Variants in SLC4A7 observed in about 807,000 individuals in gnomAD.
SLC4A7 encodes solute carrier family 4 member 7.
In SLC4A7, 51 loss-of-function variants were observed where a neutral mutation model predicts 137.6. The ratio of observed to expected loss-of-function variants is 0.37; its 90% CI spans 0.30 to 0.47. The LOEUF is 0.47. Among genes scored for constraint, SLC4A7 ranks in the 20% least tolerant of loss-of-function variants. The pLI, the probability that SLC4A7 is intolerant of heterozygous loss-of-function variation, is 1.00. For missense variants in SLC4A7, 1,247 were observed against 1,525.4 expected (o/e 0.82, Z 3.04); for synonymous variants, 542 against 518.6 (o/e 1.05, Z -0.61).
Position 27,431,285 on chromosome 3 carries a change from T to C in SLC4A7, c.1150+13A>G. ...GCAGAAAGCACCACACATGGAGGAT[T>C]TTGGATAGTTGCCTGGAGTTAAGTC... On this transcript the variant is annotated intron_variant, in intron 7 of 25. Coordinates refer to ENST00000454389, the MANE Select transcript of SLC4A7 (RefSeq NM_001321103.2). 1.3e-6 allele frequency: 2 copies of C among 1,557,690 alleles called. No individual in the cohort carries two copies. The highest frequency in any genetic ancestry group is 8.7e-7 in the Non-Finnish European group (1 of 1,150,974).
intron 24 of SLC4A7, among the ~76,000 whole-genome samples, chr3:27,380,656 T>TA (rs754930784): frequency 1.4e-4 from 21 of 152,342 alleles, no homozygotes; most frequent in East Asian, 3.9e-4. Context: ...TGTTCATACT[T>TA]AAAATCAGAA....
At position 27,376,802 on chromosome 3, in the gene SLC4A7, G is replaced by T; in HGVS notation, c.3742C>A (p.Pro1248Thr). The change falls in exon 26 of 26, where the codon CCA becomes ACA. Residue 1248 changes from proline to threonine, a missense_variant. Coordinates refer to ENST00000454389, the MANE Select transcript of SLC4A7 (RefSeq NM_001321103.2). ...VSVKISFEDE[P>T]RKKYVDAETS... is the part of the protein sequence containing the mutation. ...TCAGCATCCACGTATTTCTTTCTTG[G>T]TTCATCTTCAAAACTTATTTTCACA... 1.3e-6 allele frequency: 2 copies of T among 1,598,416 alleles called. No homozygotes were observed. Among genetic ancestry groups the T allele is most frequent in the South Asian group, 1.1e-5 (1 of 89,182 alleles).
intron 24 of SLC4A7, among the ~76,000 whole-genome samples, chr3:27,382,067 C>CA (rs965634237): frequency 5.0e-4 from 74 of 148,642 alleles, no homozygotes; most frequent in African/African-American, 1.6e-3. Flanking sequence ...GACTTCATCT[C>CA]AAAAAAAAAG....
chr3:27,412,535 G>C (rs1323228977), intron 11 of SLC4A7, among the ~76,000 whole-genome samples: 1 of 152,142 alleles, frequency 6.6e-6, no homozygotes, highest in African/African-American at 2.4e-5. Context: ...CATATTTAGA[G>C]AGTAGCAAGG....
intron 3 of SLC4A7, among the ~76,000 whole-genome samples, chr3:27,446,866 T>C (rs1310638950): frequency 2.4e-5 from 2 of 82,564 alleles, no homozygotes; most frequent in African/African-American, 8.9e-5. Flanking sequence ...CTTAGTAGAG[T>C]TTTTTTTTGT....
In SLC4A7 at chr3:27,394,483, T is replaced by C. The variant is rs970867537; in HGVS notation, c.3117+35A>G. Reference sequence around the variant, plus strand: ...ACATAACTAAGTATAAATGTTATAATAAGATTGTAAAACACGGCAATAAAG... The same window carrying C: ...ACATAACTAAGTATAAATGTTATAACAAGATTGTAAAACACGGCAATAAAG... On this transcript the variant is annotated intron_variant, in intron 20 of 25. Transcript: ENST00000454389. The C allele has an allele frequency of 5.1e-6, 8 of 1,562,178 alleles. No homozygotes were observed. In the Admixed American group the frequency reaches 1.1e-4, roughly 21 times the overall value.
At chr3:27,408,527 G>A (rs763470037) in intron 13 of SLC4A7, among the ~76,000 whole-genome samples, 7 of 152,042 alleles carry the variant, frequency 4.6e-5, no homozygotes, top group Non-Finnish European at 8.8e-5. Context: ...ATTTTAATTC[G>A]ATAATTATCA....
Position 27,433,812 on chromosome 3 carries a change from A to G in SLC4A7, c.778+104T>C, listed in dbSNP as rs912105697. 2.8e-5 allele frequency: 25 copies of G among 886,690 alleles called. No individual in the cohort carries two copies. The Admixed American group carries it at 3.6e-4, about 13-fold the overall frequency. The allele number at this position is 886,690 out of a possible 1,614,324, so 54.9% of individuals were successfully genotyped here. On this transcript the variant is annotated intron_variant, in intron 6 of 25. Transcript: ENST00000454389. Reference sequence around the variant, plus strand: ...CAGGAAGGAGAAGTAATTCAGAGGTAGGTATAGTGAGTGTTTAAATATCCC... The same window carrying G: ...CAGGAAGGAGAAGTAATTCAGAGGTGGGTATAGTGAGTGTTTAAATATCCC...
intron 18 of SLC4A7, among the ~76,000 whole-genome samples, chr3:27,397,359 C>T (rs2052290721): frequency 6.6e-6 from 1 of 151,928 alleles, no homozygotes; most frequent in African/African-American, 2.4e-5. Context: ...TTCCTTCTCC[C>T]TGGAAGGTAC....
intron 11 of SLC4A7, among the ~76,000 whole-genome samples, chr3:27,417,622 T>C (rs749503387): frequency 1.3e-5 from 2 of 151,988 alleles, no homozygotes; most frequent in African/African-American, 2.4e-5. Flanking sequence ...GGGCTGGTAG[T>C]GCACACCTGT....
Position 27,395,011 on chromosome 3 carries a change from G to A in SLC4A7, c.2808C>T (p.Ile936=). 1 of 1,610,124 alleles carries A rather than the reference G, an allele frequency of 6.2e-7. No individual in the cohort carries two copies. The highest frequency in any genetic ancestry group is 2.2e-5 in the East Asian group (1 of 44,852). ...CAGCTGTGATTTGTTGATCCATAAA[G>A]ATGAGAATGGTACAAAGCAAAGCAG... ...AIPALLCTIL[I]FMDQQITAVI... The change falls in exon 19 of 26, where the codon ATC becomes ATT. Residue 936 remains isoleucine (I), a synonymous_variant. Transcript: ENST00000454389.
At position 27,421,608 on chromosome 3, in the gene SLC4A7, AACTAACTCTTT is replaced by A; in HGVS notation, c.1424+3_1424+13del. ...AAAATGCTTAGAGAATGTTACTTGG[AACTAACTCTTT>A]ACCTGGTTGGAACAGGGACCTCAGT... On this transcript the variant is annotated splice_donor_5th_base_variant and intron_variant, in intron 9 of 25. Coordinates refer to ENST00000454389, the MANE Select transcript of SLC4A7 (RefSeq NM_001321103.2). 1 of 1,600,610 alleles carries A rather than the reference AACTAACTCTTT, an allele frequency of 6.2e-7. No individual in the cohort carries two copies. The highest frequency in any genetic ancestry group is 8.5e-7 in the Non-Finnish European group (1 of 1,173,116).
At chr3:27,403,985 G>A (rs961025435) in intron 14 of SLC4A7, among the ~76,000 whole-genome samples, 1 of 152,178 alleles carries the variant, frequency 6.6e-6, no homozygotes, top group African/African-American at 2.4e-5. Context: ...AGTGAGTACA[G>A]AATCAGAAAA....
chr3:27,428,351 A>C (rs2055878585), intron 7 of SLC4A7: 1 of 154,362 alleles, frequency 6.5e-6, no homozygotes, highest in African/African-American at 2.4e-5. Context: ...CAACCTCATC[A>C]AATCGTTACA....
In SLC4A7 at chr3:27,437,481, T is replaced by C; in HGVS notation, c.335A>G (p.Asp112Gly). The C allele has an allele frequency of 6.3e-7, 1 of 1,599,246 alleles. No homozygotes were observed. The highest frequency in any genetic ancestry group is 1.1e-5 in the South Asian group (1 of 89,526). The change falls in exon 4 of 26, where the codon GAT becomes GGT. Residue 112 changes from aspartate (D) to glycine (G), a missense_variant. Transcript: ENST00000454389. ...ATCATGGGGAATATGTTCTTCATCA[T>C]CATCTTCAGTACCAAGGATAAACTG... ...RVQFILGTED[D>G]DEEHIPHDLF...
At chr3:27,443,379 T>C (rs2057368231) in intron 3 of SLC4A7, among the ~76,000 whole-genome samples, 1 of 152,134 alleles carries the variant, frequency 6.6e-6, no homozygotes, top group Admixed American at 6.5e-5. Flanking sequence ...AATTTTCTAA[T>C]ACTGGTGATT....
chr3:27,383,298 AAG>A (rs1228008163), intron 23 of SLC4A7, 48 bp from the exon 24 acceptor site: 1 of 1,316,708 alleles, frequency 7.6e-7, no homozygotes, highest in Non-Finnish European at 1.1e-6. Context: ...AATATTTTCC[AAG>A]AGAATTGACT....
intron 1 of SLC4A7, among the ~76,000 whole-genome samples, chr3:27,459,315 T>G (rs970785120): frequency 4.6e-5 from 7 of 152,184 alleles, no homozygotes; most frequent in African/African-American, 1.7e-4. Context: ...AACACTATCA[T>G]GGACACTACC....
intron 21 of SLC4A7, among the ~76,000 whole-genome samples, chr3:27,391,206 A>G (rs1191292667): frequency 2.6e-5 from 4 of 152,216 alleles, no homozygotes; most frequent in Non-Finnish European, 5.9e-5. Context: ...AAAACAAAAC[A>G]AAATAATGAA....
Sources: gnomAD v4.1 joint callset for allele counts (sites outside exome capture counted in the v4.1 genomes callset) on GRCh38, gnomAD v4.1.1 for gene constraint, MANE v1.5 for transcripts, NCBI Gene and HGNC (gene_info 2026-07-23, HGNC 2026-07-21) for gene names.